The following PCSK6 variants were observed in gnomAD, a reference collection of about 807,000 sequenced individuals.
PCSK6 encodes the protein proprotein convertase subtilisin/kexin type 6.
A neutral mutation model predicts 123.3 loss-of-function variants in PCSK6; 85 were observed. The observed-to-expected ratio is 0.69, with a 90% confidence interval of 0.58 to 0.83. The LOEUF (loss-of-function observed/expected upper bound fraction) is 0.83, where lower values mean the gene tolerates loss of function less well. Ranked by LOEUF, PCSK6 falls within the 40% of genes least tolerant of loss-of-function variation. The pLI is 0.00. For missense variants in PCSK6, 1,191 were observed against 1,282.3 expected (o/e 0.93, Z 1.09); for synonymous variants, 508 against 516.0 (o/e 0.98, Z 0.21).
intron 1 of PCSK6, among the ~76,000 whole-genome samples, chr15:101,451,414 G>T (rs1050141728): frequency 1.3e-5 from 2 of 152,092 alleles, no homozygotes; most frequent in Non-Finnish European, 2.9e-5. Context: ...GCATACTTTG[G>T]TAAGTCTGCA....
chr15:101,432,129 T>C (rs1481283456), intron 2 of PCSK6, 29 bp from the exon 3 acceptor site: 4 of 1,558,870 alleles, frequency 2.6e-6, no homozygotes, highest in Admixed American at 1.8e-5. Context: ...TTACTGTTTA[T>C]ATTAGAAATG....
intron 20 of PCSK6, among the ~76,000 whole-genome samples, chr15:101,311,285 A>ATTT (rs71154317): frequency 1.5e-4 from 17 of 114,920 alleles, no homozygotes; most frequent in African/African-American, 3.5e-4. Flanking sequence ...TAATTTTTGC[A>ATTT]TTTTTTTTTT....
rs374285273 is a variant in PCSK6 at position 101,432,049 on chromosome 15, G to A, written c.454C>T (p.Arg152Ter). The change falls in exon 3 of 22, where the codon CGA becomes TGA. Residue 152 changes from arginine (R) to a stop codon, truncating the protein, a stop_gained. Transcript: ENST00000611716. LOFTEE classifies it high-confidence loss of function. ...EVKRRVKRQV[R>*]SDPQALYFND... ...AAGTAAAGGGCCTGCGGGTCACTTC[G>A]CACCTGTCTCTTCACCCTTCGTTTC... 2.5e-6 allele frequency: 4 copies of A among 1,613,708 alleles called. No individual in the cohort carries two copies. The highest frequency in any genetic ancestry group is 3.4e-6 in the Non-Finnish European group (4 of 1,179,810).
intron 6 of PCSK6, 104 bp downstream of exon 6, chr15:101,427,788 G>T: frequency 3.3e-6 from 3 of 897,644 alleles, no homozygotes; most frequent in Non-Finnish European, 5.1e-6. Flanking sequence ...TGCTGACATG[G>T]CCAAAGCCAA....
Position 101,398,611 on chromosome 15 carries a change from A to AG in PCSK6, c.824-36dup, listed in dbSNP as rs757941500. On this transcript the variant is annotated intron_variant, in intron 6 of 21. Coordinates refer to ENST00000611716, the MANE Select transcript of PCSK6 (RefSeq NM_002570.5). The surrounding 1 kb of genome is among the most constrained non-coding windows in gnomAD (Gnocchi z 4.6). Reference sequence around the variant, plus strand: ...CAGAGGAGGCTCGGTGTCGGCGCCCAGGCTCCGGGCACACAGCGACGGGAA... The same window carrying AG: ...CAGAGGAGGCTCGGTGTCGGCGCCCAGGGCTCCGGGCACACAGCGACGGGAA... The AG allele has an allele frequency of 3.5e-5, 56 of 1,589,934 alleles. No individual in the cohort carries two copies. Among genetic ancestry groups the AG allele is most frequent in the Non-Finnish European group, 4.4e-5 (51 of 1,167,322 alleles).
chr15:101,327,301 C>A (rs949066987), intron 15 of PCSK6, among the ~76,000 whole-genome samples: 7 of 152,200 alleles, frequency 4.6e-5, no homozygotes, highest in African/African-American at 1.7e-4. Flanking sequence ...ACCTCACCCT[C>A]TAGGTCCTTC....
intron 13 of PCSK6, among the ~76,000 whole-genome samples, chr15:101,335,976 C>G (rs1013697134): frequency 6.6e-6 from 1 of 152,172 alleles, no homozygotes; most frequent in Admixed American, 6.5e-5. Context: ...CTAAACACAC[C>G]TAAACATAAA....
chr15:101,339,755 A>G (rs573602758), intron 13 of PCSK6, among the ~76,000 whole-genome samples: 32 of 152,232 alleles, frequency 2.1e-4, no homozygotes, highest in African/African-American at 5.5e-4. Context: ...AAAATAAAAT[A>G]GAAAAATTAG....
intron 1 of PCSK6, among the ~76,000 whole-genome samples, chr15:101,471,203 C>T (rs1462003233): frequency 2.0e-5 from 3 of 152,206 alleles, no homozygotes; most frequent in South Asian, 4.1e-4. Context: ...TCTACAAAAG[C>T]AAATGCCCCT....
At chr15:101,328,021 C>A (rs142838658) in intron 15 of PCSK6, among the ~76,000 whole-genome samples, 1 of 152,238 alleles carries the variant, frequency 6.6e-6, no homozygotes, top group African/African-American at 2.4e-5. Context: ...CAATTCCCAT[C>A]TGATTGGATT....
At chr15:101,326,739 TG>T (rs1397696901) in intron 15 of PCSK6, among the ~76,000 whole-genome samples, 2 of 151,958 alleles carry the variant, frequency 1.3e-5, no homozygotes, top group Non-Finnish European at 2.9e-5. Context: ...ACATCCAGGG[TG>T]GGTACGCCAC....
intron 13 of PCSK6, chr15:101,347,689 T>C (rs779740517): frequency 3.7e-6 from 6 of 1,604,866 alleles, no homozygotes; most frequent in Non-Finnish European, 5.1e-6. Flanking sequence ...GTGGTGGCTT[T>C]GGTCATCTGT....
intron 15 of PCSK6, 102 bp downstream of exon 15, chr15:101,331,549 C>T (rs1207819976): frequency 1.8e-6 from 2 of 1,089,420 alleles, no homozygotes; most frequent in Admixed American, 3.9e-5. Flanking sequence ...CTAGAAGTGG[C>T]TAACTTACCA....
chr15:101,402,152 A>G (rs2042608075), intron 6 of PCSK6, among the ~76,000 whole-genome samples: 2 of 147,268 alleles, frequency 1.4e-5, no homozygotes, highest in Admixed American at 6.8e-5. Context: ...CAAACCTGAG[A>G]AAAACAAGCA....
At chr15:101,313,049 C>G in intron 20 of PCSK6, 2 of 1,235,854 alleles carry the variant, frequency 1.6e-6, no homozygotes, top group Non-Finnish European at 2.1e-6. Flanking sequence ...CTCTGATTAT[C>G]GACAGTGCAA....
rs528788088 is a variant in PCSK6 at position 101,480,526 on chromosome 15, G to C, written c.297+8848C>G. On this transcript the variant is annotated intron_variant, in intron 1 of 21. Transcript: ENST00000611716. ...CCCATGGAGCGTGAGGCTCCTGACA[G>C]CTGATGGCTATTCATCCCCCTTCCT... Among the ~76,000 whole-genome samples, 7 of 152,390 alleles carry C rather than the reference G, an allele frequency of 4.6e-5. No homozygotes were observed. In the East Asian group the frequency reaches 1.2e-3, roughly 25 times the overall value.
chr15:101,435,202 G>A (rs1426008199), intron 2 of PCSK6, among the ~76,000 whole-genome samples: 2 of 151,832 alleles, frequency 1.3e-5, no homozygotes, highest in African/African-American at 4.8e-5. Context: ...CAAACCAAGC[G>A]ACTAAAACTC....
chr15:101,356,524 A>T (rs1344302528), intron 13 of PCSK6, among the ~76,000 whole-genome samples: 1 of 150,854 alleles, frequency 6.6e-6, no homozygotes, highest in Non-Finnish European at 1.5e-5. Flanking sequence ...AAAAAAAAAA[A>T]AAAAAATTAG....
intron 11 of PCSK6, among the ~76,000 whole-genome samples, chr15:101,371,395 T>C (rs1298321845): frequency 2.6e-5 from 4 of 152,238 alleles, no homozygotes; most frequent in Non-Finnish European, 5.9e-5. Flanking sequence ...CACACTGCAA[T>C]ATGTGCATGT....
Sources: allele counts gnomAD v4.1 joint callset (sites outside exome capture counted in the v4.1 genomes callset), GRCh38; gene constraint gnomAD v4.1.1; non-coding constraint Gnocchi (gnomAD v3.1); transcripts MANE v1.5; gene names NCBI Gene and HGNC (gene_info 2026-07-23, HGNC 2026-07-21).